NDUFAF2: variants seen among roughly 807,000 people sequenced by gnomAD.
NDUFAF2 encodes the protein NADH dehydrogenase [ubiquinone] 1 alpha subcomplex assembly factor 2.
In NDUFAF2, 13 loss-of-function variants were observed where a neutral mutation model predicts 22.8. The ratio of observed to expected loss-of-function variants is 0.57; its 90% CI spans 0.37 to 0.91. The LOEUF (loss-of-function observed/expected upper bound fraction) is 0.91, where lower values mean the gene tolerates loss of function less well. NDUFAF2 is among the 40% of genes least tolerant of loss of function. NDUFAF2 has a pLI of 0.01. For synonymous variants in NDUFAF2, 53 were observed against 64.2 expected (o/e 0.83, Z 0.84); for missense variants, 162 against 195.2 (o/e 0.83, Z 1.01).
At chr5:60,993,578 G>C (rs529004411) in intron 1 of NDUFAF2, among the ~76,000 whole-genome samples, 1 of 151,752 alleles carries the variant, frequency 6.6e-6, no homozygotes, top group Admixed American at 6.6e-5. Context: ...CTGCAACCTG[G>C]TCATCATGTT....
At chr5:60,995,394 C>T (rs1024898931) in intron 1 of NDUFAF2, among the ~76,000 whole-genome samples, 1 of 152,192 alleles carries the variant, frequency 6.6e-6, no homozygotes, top group African/African-American at 2.4e-5. Context: ...TTAAGGGGCA[C>T]CCCAAGTTCA....
chr5:60,953,299 T>G (rs1015454594), intron 1 of NDUFAF2, among the ~76,000 whole-genome samples: 1 of 152,018 alleles, frequency 6.6e-6, no homozygotes, highest in African/African-American at 2.4e-5. Flanking sequence ...CAATATAAGC[T>G]GGAAGACAGT....
chr5:60,989,714 A>G (rs1422989324), intron 1 of NDUFAF2, among the ~76,000 whole-genome samples: 1 of 152,182 alleles, frequency 6.6e-6, no homozygotes. Context: ...CGTGGACACA[A>G]CAAAGGGAAC....
At chr5:61,021,962 T>C (rs953753985) in intron 1 of NDUFAF2, among the ~76,000 whole-genome samples, 1 of 152,192 alleles carries the variant, frequency 6.6e-6, no homozygotes, top group Non-Finnish European at 1.5e-5. Flanking sequence ...TCTAAAGATA[T>C]TATGTTGGCA....
chr5:61,083,346 A>G (rs1228354487), intron 2 of NDUFAF2: 1 of 151,946 alleles, frequency 6.6e-6, no homozygotes, highest in Non-Finnish European at 1.5e-5. Context: ...GTCAACTTGC[A>G]TTTGTCTATA....
chr5:60,969,481 T>C (rs926692610), intron 1 of NDUFAF2, among the ~76,000 whole-genome samples: 2 of 152,182 alleles, frequency 1.3e-5, no homozygotes, highest in African/African-American at 2.4e-5. Flanking sequence ...GTGCACCTTT[T>C]CATATACCTG....
chr5:61,099,883 C>T (rs187591872), intron 3 of NDUFAF2, among the ~76,000 whole-genome samples: 1 of 152,060 alleles, frequency 6.6e-6, no homozygotes, highest in Non-Finnish European at 1.5e-5. Context: ...TACTCAATCC[C>T]CATTTGTTGG....
intron 1 of NDUFAF2, among the ~76,000 whole-genome samples, chr5:60,982,745 C>T (rs1051098470): frequency 2.6e-5 from 4 of 152,010 alleles, no homozygotes; most frequent in African/African-American, 4.8e-5. Context: ...ATTTTTATGG[C>T]TGCATAGTAT....
chr5:60,952,595 G>A (rs777098972), intron 1 of NDUFAF2, among the ~76,000 whole-genome samples: 1 of 151,864 alleles, frequency 6.6e-6, no homozygotes, highest in Admixed American at 6.6e-5. Flanking sequence ...TTGTTTTATG[G>A]CCTAGAGTAT....
At chr5:61,108,217 G>C (rs1450400129) in intron 3 of NDUFAF2, among the ~76,000 whole-genome samples, 2 of 148,852 alleles carry the variant, frequency 1.3e-5, no homozygotes, top group African/African-American at 5.1e-5. Flanking sequence ...TATATACCCA[G>C]TAATGGGATG....
chr5:61,044,366 C>CACTT (rs1450793374), intron 1 of NDUFAF2, among the ~76,000 whole-genome samples: 1 of 151,842 alleles, frequency 6.6e-6, no homozygotes. Flanking sequence ...AATGTAATTC[C>CACTT]ACTTGTCTAT....
At chr5:61,123,895 GA>G (rs35887062) in intron 3 of NDUFAF2, among the ~76,000 whole-genome samples, 16,352 of 152,090 alleles carry the variant, frequency 0.11, 1,071 homozygotes, top group South Asian at 0.22. Context: ...TATGCCATAT[GA>G]TCTGACCCTG....
chr5:61,101,029 T>G (rs1752699095), intron 3 of NDUFAF2, among the ~76,000 whole-genome samples: 1 of 152,164 alleles, frequency 6.6e-6, no homozygotes, highest in Admixed American at 6.6e-5. Context: ...AACAACCACT[T>G]CATTAGGCAC....
rs1478298164 is a variant in NDUFAF2, at chr5:61,108,439, C to A, written c.258+9407C>A. On this transcript the variant is annotated intron_variant, in intron 3 of 3. Coordinates refer to ENST00000296597, the MANE Select transcript of NDUFAF2 (RefSeq NM_174889.5). ...TTCATTGTGGTTTTGATTTGCATTT[C>A]TCTGATGGCCAGTGATGGTGAGCAT... Among the ~76,000 whole-genome samples the A allele has an allele frequency of 2.0e-5, 3 of 151,216 alleles. 1 individual carries two copies. The highest frequency in any genetic ancestry group is 7.4e-5 in the African/African-American group (3 of 40,556).
chr5:61,049,813 T>TTTATATACATATATATATGTA (rs1751999825), intron 1 of NDUFAF2, among the ~76,000 whole-genome samples: 1 of 151,878 alleles, frequency 6.6e-6, no homozygotes, highest in Non-Finnish European at 1.5e-5. Flanking sequence ...TATGTGTGTA[T>TTTATATACATATATATATGTA]TTATATACAT....
intron 1 of NDUFAF2, among the ~76,000 whole-genome samples, chr5:61,044,034 G>C (rs973534926): frequency 2.0e-5 from 3 of 151,952 alleles, no homozygotes; most frequent in Admixed American, 6.6e-5. Context: ...TTGTCTTTTT[G>C]ATACTAGTCG....
intron 1 of NDUFAF2, among the ~76,000 whole-genome samples, chr5:61,016,183 TAA>T (rs70977818): frequency 7.2e-6 from 1 of 138,496 alleles, no homozygotes; most frequent in African/African-American, 2.5e-5. Flanking sequence ...AGACTCTATC[TAA>T]AAAAAAAATA....
At chr5:61,144,515 A>G (rs1431824210) in intron 3 of NDUFAF2, among the ~76,000 whole-genome samples, 3 of 152,206 alleles carry the variant, frequency 2.0e-5, no homozygotes, top group Non-Finnish European at 4.4e-5. Flanking sequence ...TTAGATCTGC[A>G]TCTAAATATT....
intron 1 of NDUFAF2, among the ~76,000 whole-genome samples, chr5:61,034,432 C>G (rs1162326906): frequency 6.6e-6 from 1 of 152,126 alleles, no homozygotes; most frequent in Non-Finnish European, 1.5e-5. Context: ...GCACTTGTAA[C>G]ACAACGGTAT....
Sources: gnomAD v4.1 joint callset for allele counts (sites outside exome capture counted in the v4.1 genomes callset) on GRCh38, gnomAD v4.1.1 for gene constraint, MANE v1.5 for transcripts, NCBI Gene and HGNC (gene_info 2026-07-23, HGNC 2026-07-21) for gene names.